Variants in SPOCK1 observed in about 807,000 individuals in gnomAD.
SPOCK1 encodes the protein SPARC (osteonectin), cwcv and kazal like domains proteoglycan 1.
A neutral mutation model predicts 55.3 loss-of-function variants in SPOCK1; 23 were observed. The observed-to-expected ratio is 0.42, with a 90% confidence interval of 0.30 to 0.59. The LOEUF is 0.59. Ranked by LOEUF, SPOCK1 falls within the 20% of genes least tolerant of loss-of-function variation. The probability of loss-of-function intolerance (pLI) is 0.22; values close to 1 mark genes in which losing one functional copy is unlikely to be tolerated. For synonymous variants in SPOCK1, 226 were observed against 221.0 expected (o/e 1.02, Z -0.20); for missense variants, 499 against 552.5 (o/e 0.90, Z 0.97).
At chr5:137,403,525 T>C (rs904537994) in intron 2 of SPOCK1, among the ~76,000 whole-genome samples, 2 of 152,040 alleles carry the variant, frequency 1.3e-5, no homozygotes, top group African/African-American at 4.8e-5. Flanking sequence ...AATGTGTTAT[T>C]AGGGAATAAA....
rs181576909 is a variant in SPOCK1 at position 137,073,963 on chromosome 5, G to A, written c.475-6134C>T. ...AAGGGTCCAAGCTAATACCACTGGC[G>A]GCGGGACAGGCTGGCATGTGCCTCC... On this transcript the variant is annotated intron_variant, in intron 5 of 10. Transcript: ENST00000394945. 3.6e-4 allele frequency among the ~76,000 whole-genome samples: 55 copies of A among 152,254 alleles called. No individual in the cohort carries two copies. In the East Asian group the frequency reaches 4.4e-3, roughly 12 times the overall value.
chr5:137,498,734 T>TG, intron 1 of SPOCK1, 176 bp from the exon 2 acceptor site: 1 of 312,268 alleles, frequency 3.2e-6, no homozygotes, highest in Non-Finnish European at 5.3e-6. Context: ...CTCTCACGAA[T>TG]GGGGGACTCA....
At chr5:137,271,361 A>G (rs1028616265) in intron 2 of SPOCK1, among the ~76,000 whole-genome samples, 4 of 149,112 alleles carry the variant, frequency 2.7e-5, no homozygotes, top group Admixed American at 6.7e-5. Context: ...TATGTTTTAC[A>G]TATACATATA....
At chr5:137,205,629 T>G (rs1755505633) in intron 3 of SPOCK1, among the ~76,000 whole-genome samples, 1 of 152,212 alleles carries the variant, frequency 6.6e-6, no homozygotes, top group Non-Finnish European at 1.5e-5. Flanking sequence ...CCTCGGATCC[T>G]GAAACATGCC....
chr5:137,340,460 C>T (rs1014726842), intron 2 of SPOCK1, among the ~76,000 whole-genome samples: 5 of 152,202 alleles, frequency 3.3e-5, no homozygotes, highest in African/African-American at 9.6e-5. Flanking sequence ...TAAAACAAGA[C>T]ATTTTACCTA....
intron 6 of SPOCK1, among the ~76,000 whole-genome samples, chr5:137,041,407 G>C (rs1751995793): frequency 6.6e-6 from 1 of 152,146 alleles, no homozygotes; most frequent in South Asian, 2.1e-4. Flanking sequence ...AAATCTATGT[G>C]ATCTTGAGTT....
intron 2 of SPOCK1, among the ~76,000 whole-genome samples, chr5:137,359,572 GCTAA>G (rs1168551875): frequency 5.3e-5 from 8 of 152,212 alleles, no homozygotes; most frequent in Admixed American, 3.9e-4. Flanking sequence ...GCAGGATAGT[GCTAA>G]CTCTCACATT....
intron 3 of SPOCK1, among the ~76,000 whole-genome samples, chr5:137,206,133 G>A (rs1755517936): frequency 1.3e-5 from 2 of 152,212 alleles, no homozygotes; most frequent in African/African-American, 4.8e-5. Flanking sequence ...ACCATTAGCT[G>A]TGCTCAAAAA....
rs1348394991 is a variant in SPOCK1, at chr5:137,132,015, TATATAA to T, written c.347+8559_347+8564del. ...ATATATATATATATATATATATATA[TATATAA>T]AAAATTAGCTGGGCATGGTGGCAAG... On this transcript the variant is annotated intron_variant, in intron 4 of 10. Coordinates refer to ENST00000394945, the MANE Select transcript of SPOCK1 (RefSeq NM_004598.4). Among the ~76,000 whole-genome samples, 47 of 63,642 alleles carry T rather than the reference TATATAA, an allele frequency of 7.4e-4. 1 individual carries two copies. Among genetic ancestry groups the T allele is most frequent in the East Asian group, 1.3e-3 (4 of 3,170 alleles). 41.8% of individuals were successfully genotyped at this position (63,642 alleles called of 152,430 possible). A position where few individuals can be genotyped will look rare whatever the true frequency, so the allele number is the denominator to read the frequency against.
At chr5:137,300,688 A>G (rs369578151) in intron 2 of SPOCK1, among the ~76,000 whole-genome samples, 2 of 95,006 alleles carry the variant, frequency 2.1e-5, no homozygotes, top group African/African-American at 8.8e-5. Context: ...GGTAGAGTTT[A>G]CAATGATTTT....
At chr5:137,293,843 C>T (rs927856753) in intron 2 of SPOCK1, among the ~76,000 whole-genome samples, 3 of 152,152 alleles carry the variant, frequency 2.0e-5, no homozygotes, top group Admixed American at 1.3e-4. Context: ...GGTGAAACCC[C>T]GTCTCTACTA....
At chr5:137,127,435 C>G (rs557919734) in intron 4 of SPOCK1, among the ~76,000 whole-genome samples, 4 of 152,354 alleles carry the variant, frequency 2.6e-5, no homozygotes, top group African/African-American at 4.8e-5. Flanking sequence ...ATCAGGGGCC[C>G]AAACCCTGCT....
intron 2 of SPOCK1, among the ~76,000 whole-genome samples, chr5:137,449,758 A>G (rs1561538850): frequency 2.6e-5 from 4 of 151,710 alleles, no homozygotes; most frequent in Non-Finnish European, 5.9e-5. Flanking sequence ...AGCCAGGTGT[A>G]GTGGCAGATG....
chr5:137,279,987 G>A (rs1467096498), intron 2 of SPOCK1, among the ~76,000 whole-genome samples: 2 of 152,190 alleles, frequency 1.3e-5, no homozygotes, highest in Non-Finnish European at 2.9e-5. Context: ...TCCCTCTGAA[G>A]GTGAGCTCAT....
At position 136,988,433 on chromosome 5, in the gene SPOCK1, T is replaced by C. The variant is rs1750882981; in HGVS notation, c.917A>G (p.Gln306Arg). The change falls in exon 8 of 11, where the codon CAG (glutamine) becomes CGG (arginine). Residue 306 changes from glutamine (Q) to arginine (R), a missense_variant. By Grantham distance (43) the Gln-to-Arg change is conservative (BLOSUM62 1). Around this residue, in one of 3 missense-constraint regions of SPOCK1, gnomAD observed 386 missense variants for 400.6 expected, o/e 0.96. Transcript: ENST00000394945. ...LSNNEWCYCF[Q>R]KPGGLPCQNE... ...CCATCCCACCTTACCTCCAGGCTTCTGGAAGCAGTAGCACCACTCATTGTT... is the reference window on the plus strand; with the variant it reads ...CCATCCCACCTTACCTCCAGGCTTCCGGAAGCAGTAGCACCACTCATTGTT... 6.2e-7 allele frequency: 1 copy of C among 1,613,718 alleles called. No homozygotes were observed. Among genetic ancestry groups the C allele is most frequent in the Non-Finnish European group, 8.5e-7 (1 of 1,179,618 alleles).
chr5:137,242,323 G>A (rs1219191937), intron 3 of SPOCK1, among the ~76,000 whole-genome samples: 1 of 152,146 alleles, frequency 6.6e-6, no homozygotes, highest in Non-Finnish European at 1.5e-5. Context: ...TTGCTGTGCT[G>A]TTCTCATGAT....
At chr5:137,258,331 T>A (rs188458096) in intron 3 of SPOCK1, among the ~76,000 whole-genome samples, 4 of 152,178 alleles carry the variant, frequency 2.6e-5, no homozygotes, top group African/African-American at 7.2e-5. Context: ...TGGGGCAGAA[T>A]GAACATTTAA....
intron 5 of SPOCK1, among the ~76,000 whole-genome samples, chr5:137,072,927 G>A (rs116800883): frequency 6.9e-4 from 105 of 152,272 alleles, no homozygotes; most frequent in African/African-American, 2.1e-3. Context: ...AGGCTTTGCC[G>A]GCTTTAATAA....
At chr5:137,207,317 G>A (rs1755536570) in intron 3 of SPOCK1, among the ~76,000 whole-genome samples, 1 of 152,196 alleles carries the variant, frequency 6.6e-6, no homozygotes, top group African/African-American at 2.4e-5. Flanking sequence ...TTCAGTGGGG[G>A]GCTGTTCTAA....
Sources: gnomAD v4.1 joint callset for allele counts (sites outside exome capture counted in the v4.1 genomes callset) on GRCh38, gnomAD v4.1.1 for gene constraint, gnomAD v4.1.1 regional missense constraint, MANE v1.5 for transcripts, NCBI Gene and HGNC (gene_info 2026-07-23, HGNC 2026-07-21) for gene names.